The following GRM4 variants were observed in gnomAD, a reference collection of about 807,000 sequenced individuals.
GRM4 encodes glutamate metabotropic receptor 4.
A neutral mutation model predicts 81.7 loss-of-function variants in GRM4; 28 were observed. The ratio of observed to expected loss-of-function variants is 0.34; its 90% CI spans 0.25 to 0.47. The LOEUF is 0.47. GRM4 is among the 20% of genes least tolerant of loss of function. The pLI is 1.00. For synonymous variants in GRM4, 488 were observed against 528.8 expected (o/e 0.92, Z 1.06); for missense variants, 948 against 1,290.0 (o/e 0.73, Z 4.06).
chr6:34,056,386 A>C, intron 6 of GRM4, 158 bp downstream of exon 6: 16 of 595,118 alleles, frequency 2.7e-5, no homozygotes, highest in Admixed American at 3.0e-5. Context: ...GCCCCGCCCC[A>C]GGCCTCCCAA....
intron 2 of GRM4, among the ~76,000 whole-genome samples, chr6:34,123,552 G>C (rs899612165): frequency 2.0e-5 from 3 of 152,190 alleles, no homozygotes; most frequent in African/African-American, 7.2e-5. Context: ...AGGAGGGTCA[G>C]ACTTCTGGAG....
chr6:34,061,869 C>G (rs1251491639), intron 4 of GRM4, 24 bp downstream of exon 4: 1 of 1,600,810 alleles, frequency 6.2e-7, no homozygotes. Flanking sequence ...TCCCGGTGCC[C>G]ACCCTGCTGC....
At position 34,074,043 on chromosome 6, in the gene GRM4, C is replaced by A. The variant is rs1767176995; in HGVS notation, c.737-12015G>T. Among the ~76,000 whole-genome samples the A allele has an allele frequency of 6.6e-6, 1 of 152,226 alleles. No homozygotes were observed. The highest frequency in any genetic ancestry group is 6.5e-5 in the Admixed American group (1 of 15,292). ...CCCTCCTCTTGCCTCTGAAACCCCA[C>A]CTCTGCCACCAGGCTCTCCATTCCT... On this transcript the variant is annotated intron_variant, in intron 3 of 10. Transcript: ENST00000538487. This position sits in a 1 kb window ranked among gnomAD's most constrained non-coding sequence, Gnocchi z 4.9.
chr6:34,038,539 C>T (rs1764830432), intron 8 of GRM4, among the ~76,000 whole-genome samples: 1 of 152,186 alleles, frequency 6.6e-6, no homozygotes, highest in Non-Finnish European at 1.5e-5. Context: ...GCCGCCACAC[C>T]CTGAGACCCT....
At chr6:34,128,470 C>T (rs925676686) in intron 2 of GRM4, among the ~76,000 whole-genome samples, 3 of 151,550 alleles carry the variant, frequency 2.0e-5, no homozygotes, top group Admixed American at 6.6e-5. Flanking sequence ...CTCTGCCTCC[C>T]GGGTTCAAGC....
rs1766612563 is a variant in GRM4 at position 34,068,621 on chromosome 6, C to G, written c.737-6593G>C. Among the ~76,000 whole-genome samples the G allele has an allele frequency of 6.6e-6, 1 of 152,240 alleles. No individual in the cohort carries two copies. The highest frequency in any genetic ancestry group is 2.1e-4 in the South Asian group (1 of 4,834). On this transcript the variant is annotated intron_variant, in intron 3 of 10. Transcript: ENST00000538487. The surrounding 1 kb of genome is among the most constrained non-coding windows in gnomAD (Gnocchi z 4.2). Reference sequence around the variant, plus strand: ...CACCTGCCTTCAAAGACCCATCCCCCCGCACCACCACTTGTGGGATGTGCC... The same window carrying G: ...CACCTGCCTTCAAAGACCCATCCCCGCGCACCACCACTTGTGGGATGTGCC...
upstream of GRM4, among the ~76,000 whole-genome samples, chr6:34,151,019 C>G (rs959021347): frequency 1.2e-4 from 18 of 152,178 alleles, no homozygotes; most frequent in African/African-American, 3.6e-4. Flanking sequence ...CTCCCACGCC[C>G]TGCCATGCGC....
In GRM4 at chr6:34,040,300, G is replaced by C; in HGVS notation, c.1384C>G (p.Pro462Ala). The C allele has an allele frequency of 6.2e-7, 1 of 1,614,138 alleles. No individual in the cohort carries two copies. The highest frequency in any genetic ancestry group is 1.1e-5 in the South Asian group (1 of 91,080). Residue 462 changes from proline (P) to alanine (A), a missense_variant, in exon 8 of 11, where the codon CCT becomes GCT. Pro to Ala is a conservative substitution (Grantham distance 27). Coordinates refer to ENST00000538487, the MANE Select transcript of GRM4 (RefSeq NM_000841.4). The part of the protein sequence containing the change: ...NVNFSGIAGN[P>A]VTFNENGDAP... ...TCTCCATTCTCATTGAAGGTCACAGGGTTCCCTGCGATGCCTGTAAGGGTG... is the reference window on the plus strand; with the variant it reads ...TCTCCATTCTCATTGAAGGTCACAGCGTTCCCTGCGATGCCTGTAAGGGTG...
At chr6:34,135,074 G>A (rs908531906) in intron 1 of GRM4, among the ~76,000 whole-genome samples, 14 of 152,330 alleles carry the variant, frequency 9.2e-5, no homozygotes, top group Admixed American at 4.6e-4. Context: ...CAAGCCACTT[G>A]TCCATTCTGT....
At chr6:34,110,858 T>G in intron 2 of GRM4, 1 of 1,330,802 alleles carries the variant, frequency 7.5e-7, no homozygotes, top group Non-Finnish European at 9.6e-7. Flanking sequence ...AGCTCAGGCC[T>G]GGAGGTGAGG....
chr6:34,113,499 T>C (rs959164730), intron 2 of GRM4, among the ~76,000 whole-genome samples: 5 of 152,200 alleles, frequency 3.3e-5, no homozygotes, highest in Non-Finnish European at 7.3e-5. Flanking sequence ...ATGCCCACTT[T>C]ATAAGGAAAA....
chr6:34,086,760 CCT>C (rs1767909413), intron 3 of GRM4, among the ~76,000 whole-genome samples: 1 of 152,216 alleles, frequency 6.6e-6, no homozygotes, highest in Non-Finnish European at 1.5e-5. Flanking sequence ...CCTCTCTGAG[CCT>C]CTGTTTAGCC....
chr6:34,039,292 G>C (rs1562016100), intron 8 of GRM4, among the ~76,000 whole-genome samples: 1 of 152,218 alleles, frequency 6.6e-6, no homozygotes. Context: ...GAAGAGCAGA[G>C]CACGAGGGGT....
intron 9 of GRM4, among the ~76,000 whole-genome samples, chr6:34,030,899 C>T (rs1332457730): frequency 6.6e-6 from 1 of 152,190 alleles, no homozygotes; most frequent in African/African-American, 2.4e-5. Flanking sequence ...GCTCCTCTAG[C>T]CATCCCCAGC....
At chr6:34,039,285 G>A (rs1764878650) in intron 8 of GRM4, among the ~76,000 whole-genome samples, 1 of 152,202 alleles carries the variant, frequency 6.6e-6, no homozygotes, top group Non-Finnish European at 1.5e-5. Context: ...GTGCTTTGAA[G>A]AGCAGAGCAC....
intron 6 of GRM4, chr6:34,055,060 G>C (rs200743538): frequency 6.6e-6 from 1 of 152,174 alleles, no homozygotes; most frequent in African/African-American, 2.4e-5. Context: ...CCATATCCTC[G>C]TCTAGAGTGC....
chr6:34,149,485 G>A (rs149707723), upstream of GRM4, among the ~76,000 whole-genome samples: 187 of 152,344 alleles, frequency 1.2e-3, no homozygotes, highest in African/African-American at 3.8e-3. Context: ...CCAGGGAGCC[G>A]TAAGTCACCC....
chr6:34,036,300 A>T lies in GRM4; in HGVS notation c.1810T>A (p.Phe604Ile). The change falls in exon 9 of 11, where the codon TTC becomes ATC. Residue 604 changes from phenylalanine to isoleucine, a missense_variant. By Grantham distance (21) the Phe-to-Ile change is conservative. Transcript: ENST00000538487. The surrounding 1 kb of genome is among the most constrained non-coding windows in gnomAD (Gnocchi z 9.0). The stretch of plus-strand genomic sequence containing the variant: ...TAGCGCACAAAGGTGATCACCACGA[A>T]CAACGTGGCAGCGATGCCCACCACG... Reference protein sequence around the residue: ...LAVVGIAATLFVVITFVRYND... With the variant: ...LAVVGIAATLIVVITFVRYND... 6.2e-7 allele frequency: 1 copy of T among 1,614,120 alleles called. No individual in the cohort carries two copies. Among genetic ancestry groups the T allele is most frequent in the East Asian group, 2.2e-5 (1 of 44,878 alleles).
At chr6:34,147,861 A>C (rs2127520659), upstream of GRM4, among the ~76,000 whole-genome samples, 1 of 152,330 alleles carries the variant, frequency 6.6e-6, no homozygotes, top group East Asian at 1.9e-4. Context: ...GGAGCCACTG[A>C]AATTTTTAAC....
Sources: gnomAD v4.1 joint callset for allele counts (sites outside exome capture counted in the v4.1 genomes callset) on GRCh38, gnomAD v4.1.1 for gene constraint, Gnocchi (gnomAD v3.1) non-coding constraint, MANE v1.5 for transcripts, NCBI Gene and HGNC (gene_info 2026-07-23, HGNC 2026-07-21) for gene names.